The following CDH13 variants were observed in gnomAD, a reference collection of about 807,000 sequenced individuals.
The protein encoded by CDH13 is cadherin-13.
Under a neutral mutation model 63.8 loss-of-function variants are expected in CDH13, and 24 were observed. The ratio of observed to expected loss-of-function variants is 0.38; its 90% confidence interval spans 0.27 to 0.53. CDH13 has a LOEUF of 0.53. Ranked by LOEUF, CDH13 falls within the 20% of genes least tolerant of loss-of-function variation. The pLI is 0.85. For synonymous variants in CDH13, 503 were observed against 355.3 expected (o/e 1.42, Z -4.67); for missense variants, 1,049 against 903.1 (o/e 1.16, Z -2.07).
At chr16:83,083,932 C>T (rs1032942631) in intron 3 of CDH13, among the ~76,000 whole-genome samples, 11 of 152,204 alleles carry the variant, frequency 7.2e-5, no homozygotes, top group African/African-American at 2.7e-4. Context: ...AGGTAAGTCT[C>T]ACTATCTCGT....
chr16:83,521,712 C>T (rs2074841826), intron 7 of CDH13, among the ~76,000 whole-genome samples: 1 of 152,168 alleles, frequency 6.6e-6, no homozygotes, highest in African/African-American at 2.4e-5. Context: ...GTAATTCTTC[C>T]ACCTATGGGT....
At chr16:82,803,142 G>T (rs1243445593) in intron 1 of CDH13, among the ~76,000 whole-genome samples, 1 of 152,168 alleles carries the variant, frequency 6.6e-6, no homozygotes, top group South Asian at 2.1e-4. Context: ...TTGTTGGCCA[G>T]TTCTTCTCAC....
intron 10 of CDH13, among the ~76,000 whole-genome samples, chr16:83,714,517 A>G (rs254325): frequency 0.24 from 36,223 of 152,098 alleles, 4,483 homozygotes; most frequent in African/African-American, 0.32. Flanking sequence ...TTCTGCAAAC[A>G]TTCAGTAACT....
intron 1 of CDH13, among the ~76,000 whole-genome samples, chr16:82,687,137 C>A (rs1915156231): frequency 6.6e-6 from 1 of 152,132 alleles, no homozygotes; most frequent in African/African-American, 2.4e-5. Context: ...ATCTGTTTAC[C>A]TAAGATGGAG....
chr16:82,771,732 G>A (rs2035275034), intron 1 of CDH13, among the ~76,000 whole-genome samples: 1 of 152,234 alleles, frequency 6.6e-6, no homozygotes, highest in African/African-American at 2.4e-5. Flanking sequence ...GTGTTAAAGT[G>A]ATGTATCGGA....
intron 3 of CDH13, among the ~76,000 whole-genome samples, chr16:83,112,020 A>C (rs535976311): frequency 7.2e-5 from 11 of 152,214 alleles, no homozygotes; most frequent in Non-Finnish European, 1.6e-4. Context: ...AATTTTAGTA[A>C]AACTTTGGAG....
intron 10 of CDH13, among the ~76,000 whole-genome samples, chr16:83,743,164 T>A (rs13332622): frequency 6.6e-6 from 1 of 152,026 alleles, no homozygotes; most frequent in Non-Finnish European, 1.5e-5. Context: ...CTGAGATCGC[T>A]GCCACTGCAC....
intron 5 of CDH13, among the ~76,000 whole-genome samples, chr16:83,264,039 C>G (rs1907301233): frequency 6.6e-6 from 1 of 152,166 alleles, no homozygotes; most frequent in Non-Finnish European, 1.5e-5. Context: ...GCTCTACATC[C>G]AATTTCCATT....
intron 1 of CDH13, among the ~76,000 whole-genome samples, chr16:82,846,927 A>G (rs947721513): frequency 2.0e-5 from 3 of 152,248 alleles, no homozygotes; most frequent in Admixed American, 2.0e-4. Context: ...AAAAAATGAG[A>G]GACAATGCTT....
chr16:83,255,441 A>T (rs1044946325), intron 5 of CDH13, among the ~76,000 whole-genome samples: 1 of 152,176 alleles, frequency 6.6e-6, no homozygotes, highest in African/African-American at 2.4e-5. Context: ...AATGCTGGAA[A>T]ATGTCTTCAT....
chr16:82,905,541 A>T (rs1282381089), intron 2 of CDH13, among the ~76,000 whole-genome samples: 1 of 152,134 alleles, frequency 6.6e-6, no homozygotes, highest in East Asian at 1.9e-4. Context: ...AATATTCAAA[A>T]TGATGACTAA....
intron 1 of CDH13, among the ~76,000 whole-genome samples, chr16:82,757,783 AG>A (rs911100307): frequency 1.3e-5 from 2 of 151,916 alleles, no homozygotes; most frequent in African/African-American, 4.8e-5. Context: ...CTGGGACTAT[AG>A]GCGTGTGCCA....
intron 1 of CDH13, among the ~76,000 whole-genome samples, chr16:82,857,789 A>G (rs747465414): frequency 4.6e-5 from 7 of 152,180 alleles, no homozygotes; most frequent in Non-Finnish European, 8.8e-5. Context: ...TCTTTTCCTT[A>G]TTTAGACATT....
At chr16:82,640,926 C>G (rs1303627932) in intron 1 of CDH13, among the ~76,000 whole-genome samples, 4 of 152,148 alleles carry the variant, frequency 2.6e-5, no homozygotes, top group Non-Finnish European at 5.9e-5. Context: ...TAAACACGCT[C>G]TTGGATTGAA....
At chr16:82,673,394 G>A (rs1302233100) in intron 1 of CDH13, among the ~76,000 whole-genome samples, 1 of 152,080 alleles carries the variant, frequency 6.6e-6, no homozygotes, top group Non-Finnish European at 1.5e-5. Flanking sequence ...TCACTAGCAG[G>A]AAATAAAAGT....
intron 1 of CDH13, among the ~76,000 whole-genome samples, chr16:82,840,814 G>A (rs940545270): frequency 9.2e-5 from 14 of 152,196 alleles, no homozygotes; most frequent in South Asian, 2.1e-4. Context: ...GGTGTTGGCC[G>A]TTTCATTGTA....
At chr16:83,766,171 C>T (rs1157562028) in intron 11 of CDH13, among the ~76,000 whole-genome samples, 1 of 152,174 alleles carries the variant, frequency 6.6e-6, no homozygotes, top group Non-Finnish European at 1.5e-5. Context: ...CCCAGCTCTG[C>T]AGACCTCTGC....
At chr16:82,773,643 T>C (rs1255862521) in intron 1 of CDH13, among the ~76,000 whole-genome samples, 1 of 152,256 alleles carries the variant, frequency 6.6e-6, no homozygotes. Context: ...TCTATGTATG[T>C]ACATTTGTAT....
At chr16:82,893,191 T>C (rs1002894721) in intron 2 of CDH13, among the ~76,000 whole-genome samples, 1 of 152,212 alleles carries the variant, frequency 6.6e-6, no homozygotes, top group Non-Finnish European at 1.5e-5. Flanking sequence ...TAGAGCCAAT[T>C]AGATATTCAA....
Sources: allele counts gnomAD v4.1 joint callset (sites outside exome capture counted in the v4.1 genomes callset), GRCh38; gene constraint gnomAD v4.1.1; transcripts MANE v1.5; gene names NCBI Gene and HGNC (gene_info 2026-07-23, HGNC 2026-07-21).